MCCC1: variants seen among roughly 807,000 people sequenced by gnomAD.
MCCC1 encodes methylcrotonoyl-CoA carboxylase subunit alpha, mitochondrial.
A neutral mutation model predicts 83.8 loss-of-function variants in MCCC1; 64 were observed. The ratio of observed to expected loss-of-function variants is 0.76; its 90% confidence interval spans 0.62 to 0.94. MCCC1 has a LOEUF of 0.94. Among genes scored for constraint, MCCC1 ranks in the 40% least tolerant of loss-of-function variants. The pLI is 0.00. For missense variants in MCCC1, 807 were observed against 904.7 expected (o/e 0.89, Z 1.39); for synonymous variants, 322 against 315.4 (o/e 1.02, Z -0.22).
intron 8 of MCCC1, 142 bp from the exon 9 acceptor site, chr3:183,052,382 T>G (rs1715045370): frequency 6.9e-6 from 5 of 728,462 alleles, no homozygotes. Context: ...TCCCATAAGA[T>G]TATAATGGAG....
chr3:183,092,445 A>G lies in MCCC1; in HGVS notation c.237T>C (p.Tyr79=). The G allele has an allele frequency of 1.9e-6, 3 of 1,614,228 alleles. No homozygotes were observed. Among genetic ancestry groups the G allele is most frequent in the Non-Finnish European group, 2.5e-6 (3 of 1,180,040 alleles). ...GCATGGAATTTCTGTCAGCCTCACT[A>G]TAAACCGCCACAGTCTGTACACCCA... is the stretch of plus-strand genomic sequence containing the variant. The part of the protein sequence containing the change: ...KKLGVQTVAV[Y]SEADRNSMHV... Residue 79 remains tyrosine (Y), a synonymous_variant, in exon 3 of 19, where the codon TAT becomes TAC. Coordinates refer to ENST00000265594, the MANE Select transcript of MCCC1 (RefSeq NM_020166.5).
upstream of MCCC1, among the ~76,000 whole-genome samples, chr3:183,104,437 A>T (rs1418644493): frequency 6.6e-6 from 1 of 151,478 alleles, no homozygotes; most frequent in African/African-American, 2.4e-5. Flanking sequence ...TTCTCTAAGT[A>T]TAACACAATA....
chr3:183,112,901 C>T (rs1486199200), intron 1 of MCCC1, among the ~76,000 whole-genome samples: 2 of 151,048 alleles, frequency 1.3e-5, no homozygotes, highest in East Asian at 3.9e-4. Flanking sequence ...AGTGAGACCC[C>T]CATCTTAAAA....
intron 11 of MCCC1, 74 bp from the exon 12 acceptor site, chr3:183,039,209 G>A (rs1560221788): frequency 7.3e-7 from 1 of 1,365,214 alleles, no homozygotes; most frequent in Non-Finnish European, 1.0e-6. Context: ...AAGACATTTT[G>A]TTATGTACAT....
At chr3:183,034,777 CTTT>C (rs397963844) in intron 13 of MCCC1, among the ~76,000 whole-genome samples, 1 of 143,894 alleles carries the variant, frequency 6.9e-6, no homozygotes, top group East Asian at 2.0e-4. Context: ...CCTTATAGGC[CTTT>C]TTTTTTTTTC....
rs532732319 is a variant in MCCC1 at position 183,073,442 on chromosome 3, G to T, written c.370-955C>A. 4.6e-5 allele frequency among the ~76,000 whole-genome samples: 7 copies of T among 152,246 alleles called. 1 individual carries two copies. The East Asian group carries it at 1.2e-3, about 25-fold the overall frequency. ...TCAATGTCATCTTTCCAGAAAAAAA[G>T]CTAAGAAGCAAATGAAAGTCATGTA... On this transcript the variant is annotated intron_variant, in intron 4 of 18. Transcript: ENST00000265594.
At position 183,052,255 on chromosome 3, in the gene MCCC1, T is replaced by A. The variant is rs1299112018; in HGVS notation, c.874-15A>T. 1.2e-6 allele frequency: 2 copies of A among 1,609,026 alleles called. No homozygotes were observed. Among genetic ancestry groups the A allele is most frequent in the Non-Finnish European group, 1.7e-6 (2 of 1,175,690 alleles). ...TTAATACCAGGCTATGAAAAAAATA[T>A]GTAAATAAATCTCCATTAGTAGCTT... On this transcript the variant is annotated splice_polypyrimidine_tract_variant and intron_variant, in intron 8 of 18. Transcript: ENST00000265594.
chr3:183,039,491 C>T (rs984421002), intron 11 of MCCC1, among the ~76,000 whole-genome samples: 3 of 152,176 alleles, frequency 2.0e-5, no homozygotes, highest in African/African-American at 7.2e-5. Flanking sequence ...CCTTAGCATT[C>T]CCCTCCCCTC....
At chr3:183,084,561 A>G (rs1717751358) in intron 4 of MCCC1, among the ~76,000 whole-genome samples, 1 of 152,248 alleles carries the variant, frequency 6.6e-6, no homozygotes, top group Non-Finnish European at 1.5e-5. Context: ...ATACCTATTC[A>G]GTTTAAGAAC....
intron 7 of MCCC1, among the ~76,000 whole-genome samples, chr3:183,058,742 T>G (rs776845655): frequency 6.6e-6 from 1 of 152,222 alleles, no homozygotes; most frequent in Non-Finnish European, 1.5e-5. Context: ...GAAATAAGGC[T>G]AATATGGACT....
chr3:183,106,240 A>G (rs1203932619), intron 1 of MCCC1, among the ~76,000 whole-genome samples: 1 of 152,188 alleles, frequency 6.6e-6, no homozygotes, highest in Admixed American at 6.5e-5. Flanking sequence ...AAGGATAATT[A>G]TTTCAAAACA....
At chr3:183,104,344 C>G (rs997441718), upstream of MCCC1, among the ~76,000 whole-genome samples, 1 of 152,150 alleles carries the variant, frequency 6.6e-6, no homozygotes, top group Non-Finnish European at 1.5e-5. Flanking sequence ...TCTCGAACTC[C>G]TGACCTAAAC....
In MCCC1 at chr3:183,064,142, T is replaced by C. The variant is rs970594737; in HGVS notation, c.762-6720A>G. ...TTAACTGCTATTCTGTTTGAATTAA[T>C]CTGCCTTGCACTCTTTGCTGACGGC... On this transcript the variant is annotated intron_variant, in intron 7 of 18. Coordinates refer to ENST00000265594, the MANE Select transcript of MCCC1 (RefSeq NM_020166.5). The surrounding 1 kb of genome is among the most constrained non-coding windows in gnomAD (Gnocchi z 4.5). Among the ~76,000 whole-genome samples, 4 of 152,108 alleles carry C rather than the reference T, an allele frequency of 2.6e-5. No individual in the cohort carries two copies. Among genetic ancestry groups the C allele is most frequent in the African/African-American group, 9.7e-5 (4 of 41,430 alleles).
At chr3:183,017,462 A>T (rs1711743262) in intron 17 of MCCC1, 125 bp from the exon 18 acceptor site, 4 of 849,390 alleles carry the variant, frequency 4.7e-6, no homozygotes, top group Non-Finnish European at 7.8e-6. Flanking sequence ...CAAACCATGA[A>T]TATAAACAAT....
intron 7 of MCCC1, among the ~76,000 whole-genome samples, chr3:183,069,770 A>G (rs1196406736): frequency 6.6e-6 from 1 of 152,206 alleles, no homozygotes; most frequent in Non-Finnish European, 1.5e-5. Flanking sequence ...AAATTTAACA[A>G]TTGTCATAAA....
chr3:183,071,498 A>C, intron 5 of MCCC1, 141 bp from the exon 6 acceptor site: 1 of 1,226,286 alleles, frequency 8.2e-7, no homozygotes, highest in South Asian at 1.3e-5. Flanking sequence ...AAATAATACA[A>C]ATTTAATATG....
chr3:183,020,474 A>G (rs1712061750), intron 16 of MCCC1, among the ~76,000 whole-genome samples: 1 of 152,092 alleles, frequency 6.6e-6, no homozygotes, highest in Non-Finnish European at 1.5e-5. Flanking sequence ...TCTACAAAAA[A>G]TACAAAAATC....
In MCCC1 at chr3:183,064,635, C is replaced by A. The variant is rs1347975800; in HGVS notation, c.761+6364G>T. Among the ~76,000 whole-genome samples, 1 of 152,204 alleles carries A rather than the reference C, an allele frequency of 6.6e-6. No homozygotes were observed. Among genetic ancestry groups the A allele is most frequent in the Non-Finnish European group, 1.5e-5 (1 of 68,028 alleles). On this transcript the variant is annotated intron_variant, in intron 7 of 18. Transcript: ENST00000265594. This position sits in a 1 kb window ranked among gnomAD's most constrained non-coding sequence, Gnocchi z 4.5. ...CTGCGGTACGCCTCCTGCGCGTTGC[C>A]GAAGTCCACTGCGGGCACCGGCGGC... is the stretch of plus-strand genomic sequence containing the variant.
chr3:183,106,109 TACAACCTTGCACAAAGGCCATC>T (rs947435845), intron 1 of MCCC1, among the ~76,000 whole-genome samples: 2 of 104,348 alleles, frequency 1.9e-5, no homozygotes, highest in Non-Finnish European at 4.4e-5. Context: ...CTACCAAAAC[TACAACCTTGCACAAAGGCCATC>T]ACAACCTTAC....
Sources: gnomAD v4.1 joint callset for allele counts (sites outside exome capture counted in the v4.1 genomes callset) on GRCh38, gnomAD v4.1.1 for gene constraint, Gnocchi (gnomAD v3.1) non-coding constraint, MANE v1.5 for transcripts, NCBI Gene and HGNC (gene_info 2026-07-23, HGNC 2026-07-21) for gene names.